Variants in OTC observed in about 807,000 individuals in gnomAD.
OTC encodes the protein ornithine transcarbamylase, mitochondrial.
OTC carries 3 observed loss-of-function variants against 30.3 expected under a neutral mutation model. The ratio of observed to expected loss-of-function variants is 0.10; its 90% confidence interval spans 0.05 to 0.26. The LOEUF (loss-of-function observed/expected upper bound fraction) is 0.26. Ranked by LOEUF, OTC falls within the 10% of genes least tolerant of loss-of-function variation. The probability of loss-of-function intolerance (pLI) is 1.00; values close to 1 mark genes in which losing one functional copy is unlikely to be tolerated. For missense variants in OTC, 194 were observed against 260.3 expected (o/e 0.75, Z 1.75); for synonymous variants, 111 against 99.7 (o/e 1.11, Z -0.67).
intron 8 of OTC, among the ~76,000 whole-genome samples, chrX:38,410,663 A>G (rs2068538414): frequency 9.0e-6 from 1 of 111,477 alleles, no homozygotes; most frequent in African/African-American, 3.3e-5. Context: ...ATCCCTTATC[A>G]TGTGGAATAT....
chrX:38,349,816 G>A, upstream of OTC, among the ~76,000 whole-genome samples: 1 of 112,009 alleles, frequency 8.9e-6, no homozygotes, highest in Admixed American at 9.5e-5. Flanking sequence ...CGAATGCCAA[G>A]GGGATATAAA....
chrX:38,356,313 A>G (rs1475498217), intron 1 of OTC, among the ~76,000 whole-genome samples: 1 of 111,521 alleles, frequency 9.0e-6, no homozygotes, highest in Non-Finnish European at 1.9e-5. Context: ...AAGTTTCACA[A>G]TTTTAGAATA....
intron 1 of OTC, among the ~76,000 whole-genome samples, chrX:38,355,648 C>T (rs916657605): frequency 2.7e-5 from 3 of 112,328 alleles, no homozygotes; most frequent in Non-Finnish European, 5.6e-5. Context: ...ATCCAGACAA[C>T]GTGATTATAA....
At chrX:38,393,560 G>A (rs979720286) in intron 4 of OTC, among the ~76,000 whole-genome samples, 1 of 111,564 alleles carries the variant, frequency 9.0e-6, no homozygotes, top group Non-Finnish European at 1.9e-5. Flanking sequence ...ATATCACCTC[G>A]GGAAGTCAGG....
chrX:38,360,010 C>T (rs1006459021), intron 1 of OTC, among the ~76,000 whole-genome samples: 1 of 107,292 alleles, frequency 9.3e-6, no homozygotes, highest in Non-Finnish European at 1.9e-5. Context: ...CTCTGCCTCC[C>T]GGGTTTCAGC....
At chrX:38,418,595 T>A (rs2068580665) in intron 9 of OTC, among the ~76,000 whole-genome samples, 1 of 112,176 alleles carries the variant, frequency 8.9e-6, no homozygotes, top group African/African-American at 3.2e-5. Flanking sequence ...CCCACCCAAA[T>A]CTCATATTGG....
At chrX:38,389,130 C>A (rs2068418899) in intron 4 of OTC, among the ~76,000 whole-genome samples, 1 of 111,639 alleles carries the variant, frequency 9.0e-6, no homozygotes, top group African/African-American at 3.3e-5. Flanking sequence ...GAATTTAGGA[C>A]CTACCCTACT....
Position 38,398,072 on chromosome X carries a change from A to G in OTC, c.387-3203A>G, listed in dbSNP as rs189770663. Among the ~76,000 whole-genome samples, 44 of 112,050 alleles carry G rather than the reference A, an allele frequency of 3.9e-4. 1 individual carries two copies. The highest frequency in any genetic ancestry group is 3.3e-3 in the Admixed American group (35 of 10,546). ...TTGACATTATAAACAGAAAAATTAAATGCATGCTTATCTTTTGACTGCTTT... is the reference window on the plus strand; with the variant it reads ...TTGACATTATAAACAGAAAAATTAAGTGCATGCTTATCTTTTGACTGCTTT... On this transcript the variant is annotated intron_variant, in intron 4 of 9. Transcript: ENST00000039007.
chrX:38,412,829 A>G (rs1483394913), intron 9 of OTC, among the ~76,000 whole-genome samples: 2 of 112,152 alleles, frequency 1.8e-5, no homozygotes, highest in African/African-American at 3.2e-5. Flanking sequence ...AGTGCAGTGA[A>G]TAATTCTTGG....
intron 6 of OTC, among the ~76,000 whole-genome samples, chrX:38,405,361 A>T (rs950564043): frequency 1.8e-5 from 2 of 110,924 alleles, no homozygotes; most frequent in African/African-American, 6.6e-5. Context: ...GACAGGCCAC[A>T]CTCCCTCGGA....
intron 6 of OTC, among the ~76,000 whole-genome samples, chrX:38,405,764 C>T (rs1350839266): frequency 9.0e-6 from 1 of 111,727 alleles, no homozygotes; most frequent in African/African-American, 3.3e-5. Context: ...AAATAAGGGT[C>T]AGATCCGATA....
intron 2 of OTC, among the ~76,000 whole-genome samples, chrX:38,368,150 C>T (rs1019653168): frequency 2.7e-5 from 3 of 110,906 alleles, no homozygotes; most frequent in African/African-American, 9.8e-5. Flanking sequence ...CACCTGAGGT[C>T]GGGAGTTCGA....
the OTC span, among the ~76,000 whole-genome samples, chrX:38,346,049 G>A: frequency 9.0e-6 from 1 of 111,556 alleles, no homozygotes; most frequent in Non-Finnish European, 1.9e-5. Flanking sequence ...CTCTTTCACT[G>A]TCTCAGTCAT....
intron 1 of OTC, 111 bp downstream of exon 1, chrX:38,352,884 C>G (rs1014100664): frequency 5.2e-6 from 3 of 574,686 alleles, no homozygotes; most frequent in African/African-American, 4.5e-5. Flanking sequence ...CTCTGCTTTA[C>G]TCTTATTTGA....
chrX:38,350,989 A>C (rs1602007699), upstream of OTC, among the ~76,000 whole-genome samples: 3 of 111,519 alleles, frequency 2.7e-5, no homozygotes, highest in Admixed American at 2.9e-4. Flanking sequence ...TCTGAAACCT[A>C]TTCAATAACT....
At chrX:38,375,750 G>C (rs749773379) in intron 3 of OTC, among the ~76,000 whole-genome samples, 1 of 111,647 alleles carries the variant, frequency 9.0e-6, no homozygotes, top group African/African-American at 3.3e-5. Context: ...CATGAGTCTG[G>C]AATTTGGGAG....
chrX:38,413,015 GA>G (rs1012222938), intron 9 of OTC, among the ~76,000 whole-genome samples: 5 of 111,915 alleles, frequency 4.5e-5, no homozygotes, highest in African/African-American at 1.6e-4. Context: ...ATATGTAGCA[GA>G]AGATCCAATC....
chrX:38,374,498 T>C (rs58319637), intron 3 of OTC, among the ~76,000 whole-genome samples: 29,377 of 110,002 alleles, frequency 0.27, 3,429 homozygotes, highest in African/African-American at 0.41. Flanking sequence ...TTCTCAGAGG[T>C]AGTATTTCCT....
chrX:38,417,314 C>G (rs1322599579), intron 9 of OTC, among the ~76,000 whole-genome samples: 1 of 111,762 alleles, frequency 8.9e-6, no homozygotes, highest in East Asian at 2.8e-4. Flanking sequence ...TTCTGGCTCT[C>G]TCTGTGATCT....
Sources: allele counts gnomAD v4.1 joint callset (sites outside exome capture counted in the v4.1 genomes callset), GRCh38; gene constraint gnomAD v4.1.1; transcripts MANE v1.5; gene names NCBI Gene and HGNC (gene_info 2026-07-23, HGNC 2026-07-21).